Variants in GABRA6 observed in about 807,000 individuals in gnomAD.
GABRA6 encodes gamma-aminobutyric acid type A receptor subunit alpha6, also known as gamma-aminobutyric acid receptor subunit alpha-6.
In GABRA6, 45 loss-of-function variants were observed where a neutral mutation model predicts 47.3. That is an observed-to-expected ratio of 0.95 (90% CI 0.75 to 1.22). The LOEUF (loss-of-function observed/expected upper bound fraction) is 1.22, where lower values mean the gene tolerates loss of function less well. GABRA6 is among the 50% of genes most tolerant of loss of function. GABRA6 has a pLI of 0.00. For missense variants in GABRA6, 583 were observed against 549.3 expected, an observed-to-expected ratio of 1.06 and a Z score of -0.61; for synonymous variants, 219 against 194.7, an observed-to-expected ratio of 1.12 and a Z score of -1.04.
At chr5:161,692,928 A>C (rs781325243) in intron 8 of GABRA6, among the ~76,000 whole-genome samples, 2 of 152,210 alleles carry the variant, frequency 1.3e-5, no homozygotes, top group Non-Finnish European at 2.9e-5. Flanking sequence ...TTTTGCATAA[A>C]ATTAAATTAT....
At chr5:161,689,607 G>A in intron 5 of GABRA6, 29 bp from the exon 6 acceptor site, 1 of 1,579,630 alleles carries the variant, frequency 6.3e-7, no homozygotes, top group Non-Finnish European at 8.7e-7. Context: ...CAAATTCACT[G>A]CTATATTTAA....
intron 6 of GABRA6, 40 bp from the exon 7 acceptor site, chr5:161,690,161 T>C (rs1754767215): frequency 2.5e-6 from 4 of 1,584,824 alleles, no homozygotes; most frequent in Non-Finnish European, 3.5e-6. Flanking sequence ...TTTTGCAGAC[T>C]GTCAGCAGTA....
At chr5:161,698,692 A>G (rs561953281) in intron 8 of GABRA6, among the ~76,000 whole-genome samples, 3 of 152,144 alleles carry the variant, frequency 2.0e-5, no homozygotes, top group Non-Finnish European at 4.4e-5. Context: ...ATTAGAGCCT[A>G]TAGCACCTAG....
chr5:161,692,287 A>C, intron 8 of GABRA6, 87 bp downstream of exon 8: 1 of 1,507,054 alleles, frequency 6.6e-7, no homozygotes, highest in Non-Finnish European at 9.2e-7. Context: ...TCCAAAAGTA[A>C]TGTGAGTTGA....
intron 8 of GABRA6, among the ~76,000 whole-genome samples, chr5:161,693,933 G>T (rs1022203333): frequency 6.6e-6 from 1 of 152,126 alleles, no homozygotes; most frequent in Non-Finnish European, 1.5e-5. Context: ...ATGCCAGGGT[G>T]CATACCACAG....
intron 3 of GABRA6, among the ~76,000 whole-genome samples, chr5:161,687,854 AAAAG>A (rs1017475162): frequency 3.3e-5 from 5 of 152,204 alleles, no homozygotes; most frequent in Non-Finnish European, 7.4e-5. Flanking sequence ...GATATGGAGG[AAAAG>A]AAAGAAGAAA....
chr5:161,701,971 T>TG lies in GABRA6; in HGVS notation c.*199dup, dbSNP rs1754989314. ...CTCAAAATAGAAAGTTGAAGATTGC[T>TG]GAAAAATATGACTTTTCTGTATGTT... On this transcript the variant is annotated 3_prime_UTR_variant, in exon 9 of 9. Transcript: ENST00000274545. The TG allele has an allele frequency of 3.3e-6, 2 of 600,942 alleles. No homozygotes were observed. The highest frequency in any genetic ancestry group is 5.8e-6 in the Non-Finnish European group (2 of 344,218). 37.2% of individuals were successfully genotyped at this position (600,942 alleles called of 1,614,324 possible). A position where few individuals can be genotyped will look rare whatever the true frequency, so the allele number is the denominator to read the frequency against.
chr5:161,699,332 G>A (rs1278919434), intron 8 of GABRA6, among the ~76,000 whole-genome samples: 2 of 152,116 alleles, frequency 1.3e-5, no homozygotes, highest in Non-Finnish European at 2.9e-5. Flanking sequence ...GGAGGAGGAT[G>A]GCTCTTTTTA....
intron 3 of GABRA6, 194 bp downstream of exon 3, chr5:161,687,197 T>C (rs1285901855): frequency 1.4e-5 from 9 of 626,124 alleles, no homozygotes; most frequent in Non-Finnish European, 1.7e-5. Flanking sequence ...GGCTTGAACA[T>C]TTTAAGCTGA....
Position 161,701,915 on chromosome 5 carries a change from A to G in GABRA6, c.*142A>G. ...AATCTGTAACGCAGCTTCCGTAAGC[A>G]TGTGTGGGCAAAAAAGCAATAATCC... On this transcript the variant is annotated 3_prime_UTR_variant, in exon 9 of 9. Transcript: ENST00000274545. 1 of 832,622 alleles carries G rather than the reference A, an allele frequency of 1.2e-6. No homozygotes were observed. The highest frequency in any genetic ancestry group is 1.6e-5 in the South Asian group (1 of 63,210). The allele number at this position is 832,622 out of a possible 1,614,324, so 51.6% of individuals were successfully genotyped here.
chr5:161,701,434 T>A, intron 8 of GABRA6, 64 bp from the exon 9 acceptor site: 1 of 1,549,148 alleles, frequency 6.5e-7, no homozygotes, highest in Non-Finnish European at 8.9e-7. Flanking sequence ...AAAGAGTGAA[T>A]AAATAAGCAA....
intron 2 of GABRA6, 116 bp from the exon 3 acceptor site, chr5:161,686,820 T>C (rs1386370541): frequency 5.8e-6 from 5 of 858,450 alleles, no homozygotes; most frequent in East Asian, 2.5e-5. Context: ...TGGAATGCAA[T>C]AGGACACATT....
At position 161,689,833 on chromosome 5, in the gene GABRA6, A is replaced by G. The variant is rs973429856; in HGVS notation, c.673+54A>G. 7.9e-6 allele frequency: 12 copies of G among 1,510,014 alleles called. No homozygotes were observed. The Admixed American group carries it at 1.2e-4, about 15-fold the overall frequency. The allele number at this position is 1,510,014 out of a possible 1,614,324, so 93.5% of individuals were successfully genotyped here. On this transcript the variant is annotated intron_variant, in intron 6 of 8. Coordinates refer to ENST00000274545, the MANE Select transcript of GABRA6 (RefSeq NM_000811.3). ...ATCCCTCAGGATGACTCCAGTGCAC[A>G]TTTTCAAAATATCTATTTCTTTTTC...
chr5:161,698,333 G>T (rs1375088241), intron 8 of GABRA6, among the ~76,000 whole-genome samples: 1 of 152,106 alleles, frequency 6.6e-6, no homozygotes, highest in Non-Finnish European at 1.5e-5. Context: ...TAAGGCTGGA[G>T]AAATCAGTGA....
chr5:161,685,898 G>A lies in GABRA6; in HGVS notation c.-92G>A, dbSNP rs1754681914. On this transcript the variant is annotated 5_prime_UTR_variant, in exon 1 of 9. Coordinates refer to ENST00000274545, the MANE Select transcript of GABRA6 (RefSeq NM_000811.3). ...CAAGGAACAGAGATATGAAGGGTTTGAAAGATTTCTCCAGTTGATTGGCAG... is the reference window on the plus strand; with the variant it reads ...CAAGGAACAGAGATATGAAGGGTTTAAAAGATTTCTCCAGTTGATTGGCAG... The A allele has an allele frequency of 4.8e-6, 5 of 1,033,906 alleles. No homozygotes were observed. The highest frequency in any genetic ancestry group is 7.7e-6 in the Non-Finnish European group (5 of 650,000). 64.0% of individuals were successfully genotyped at this position (1,033,906 alleles called of 1,614,324 possible). A position where few individuals can be genotyped will look rare whatever the true frequency, so the allele number is the denominator to read the frequency against.
chr5:161,696,567 C>T (rs1034991167), intron 8 of GABRA6, among the ~76,000 whole-genome samples: 1 of 151,872 alleles, frequency 6.6e-6, no homozygotes, highest in African/African-American at 2.4e-5. Context: ...GGTGGTTAGC[C>T]CCTTCCCCAT....
At chr5:161,689,897 C>G (rs4921402) in intron 6 of GABRA6, 118 bp downstream of exon 6, 1 of 1,153,374 alleles carries the variant, frequency 8.7e-7, no homozygotes, top group Non-Finnish European at 1.3e-6. Flanking sequence ...TGCTGTTTTG[C>G]AGTGATGAGT....
Position 161,688,967 on chromosome 5 carries a change from T to C in GABRA6, c.244T>C (p.Phe82Leu). ...DVEMEYTMDV[F>L]FRQTWTDERL... The stretch of plus-strand genomic sequence containing the variant: ...CTCTTAGGAGTATACGATGGATGTT[T>C]TTTTCCGCCAGACCTGGACTGATGA... Residue 82 changes from phenylalanine to leucine, a missense_variant, in exon 4 of 9, where the codon TTT becomes CTT. Coordinates refer to ENST00000274545, the MANE Select transcript of GABRA6 (RefSeq NM_000811.3). 6.2e-7 allele frequency: 1 copy of C among 1,613,876 alleles called. No individual in the cohort carries two copies. Among genetic ancestry groups the C allele is most frequent in the Non-Finnish European group, 8.5e-7 (1 of 1,179,832 alleles).
chr5:161,691,825 T>A (rs533604196), intron 7 of GABRA6, 116 bp from the exon 8 acceptor site: 10 of 829,406 alleles, frequency 1.2e-5, no homozygotes, highest in South Asian at 9.1e-5. Flanking sequence ...AAAATATTTT[T>A]AAAAATGACT....
Sources: gnomAD v4.1 joint callset for allele counts (sites outside exome capture counted in the v4.1 genomes callset) on GRCh38, gnomAD v4.1.1 for gene constraint, MANE v1.5 for transcripts, NCBI Gene and HGNC (gene_info 2026-07-23, HGNC 2026-07-21) for gene names.